ATXN7L1: variants seen among roughly 807,000 people sequenced by gnomAD.
ATXN7L1 encodes the protein ataxin-7-like protein 1.
In ATXN7L1, 15 loss-of-function variants were observed where a neutral mutation model predicts 70.8. The ratio of observed to expected loss-of-function variants is 0.21; its 90% CI spans 0.14 to 0.33. ATXN7L1 has a LOEUF of 0.33. Among genes scored for constraint, ATXN7L1 ranks in the 10% least tolerant of loss-of-function variants. The pLI is 1.00. For missense variants in ATXN7L1, 975 were observed against 1,097.1 expected, an observed-to-expected ratio of 0.89 and a Z score of 1.57; for synonymous variants, 440 against 445.1, an observed-to-expected ratio of 0.99 and a Z score of 0.14.
At chr7:105,670,004 G>A (rs1379896144) in intron 3 of ATXN7L1, among the ~76,000 whole-genome samples, 2 of 152,046 alleles carry the variant, frequency 1.3e-5, no homozygotes, top group Non-Finnish European at 2.9e-5. Flanking sequence ...GCTGTAGCTA[G>A]GCTTTTGAAA....
intron 3 of ATXN7L1, among the ~76,000 whole-genome samples, chr7:105,695,322 C>T (rs1186425853): frequency 1.3e-5 from 2 of 152,176 alleles, no homozygotes; most frequent in Non-Finnish European, 2.9e-5. Context: ...AAAAGCACAA[C>T]ATCGCCCTCA....
intron 3 of ATXN7L1, among the ~76,000 whole-genome samples, chr7:105,742,765 T>A (rs1276567633): frequency 1.3e-5 from 2 of 152,216 alleles, no homozygotes. Context: ...ATATTCATAC[T>A]TCCAGGGAAG....
rs1022718343 is a variant in ATXN7L1 at position 105,643,096 on chromosome 7, C to G, written c.604G>C (p.Glu202Gln). ...PCVPVPVVSL[E>Q]KIPNLVKADG... ...GCCTTCACTAGGTTAGGAATTTTCT[C>G]TAAACTGACTACAGGAACTGGAACA... The change falls in exon 5 of 12, where the codon GAG (glutamate) becomes CAG (glutamine). Residue 202 changes from glutamate to glutamine, a missense_variant. By Grantham distance (29) the Glu-to-Gln change is conservative. This residue lies in a region of ATXN7L1 where 192 missense variants were observed against 215.5 expected (regional missense o/e 0.89). Coordinates refer to ENST00000419735, the MANE Select transcript of ATXN7L1 (RefSeq NM_020725.2). The G allele has an allele frequency of 6.5e-7, 1 of 1,532,974 alleles. No homozygotes were observed. The highest frequency in any genetic ancestry group is 1.2e-5 in the South Asian group (1 of 81,824). The allele number at this position is 1,532,974 out of a possible 1,614,324, so 95.0% of individuals were successfully genotyped here. A position where few individuals can be genotyped will look rare whatever the true frequency, so the allele number is the denominator to read the frequency against.
At chr7:105,834,471 A>C (rs1163080335) in intron 2 of ATXN7L1, among the ~76,000 whole-genome samples, 3 of 152,214 alleles carry the variant, frequency 2.0e-5, no homozygotes, top group Non-Finnish European at 4.4e-5. Context: ...CACTTTTATC[A>C]ACAACAGAGT....
intron 3 of ATXN7L1, among the ~76,000 whole-genome samples, chr7:105,742,428 T>C (rs1189233671): frequency 6.6e-6 from 1 of 152,238 alleles, no homozygotes; most frequent in Non-Finnish European, 1.5e-5. Context: ...CTTTTGTACA[T>C]GAATCCACCC....
chr7:105,791,836 A>G (rs913297428), intron 2 of ATXN7L1, among the ~76,000 whole-genome samples: 2 of 152,202 alleles, frequency 1.3e-5, no homozygotes. Flanking sequence ...TCAAGCTATG[A>G]AGGAATATAA....
At chr7:105,656,054 G>C (rs1800584750) in intron 4 of ATXN7L1, among the ~76,000 whole-genome samples, 1 of 152,252 alleles carries the variant, frequency 6.6e-6, no homozygotes, top group Non-Finnish European at 1.5e-5. Flanking sequence ...CCATCCAGGG[G>C]AGGAAATCCT....
intron 3 of ATXN7L1, among the ~76,000 whole-genome samples, chr7:105,672,429 C>G (rs1803904281): frequency 6.6e-6 from 1 of 152,212 alleles, no homozygotes; most frequent in Admixed American, 6.5e-5. Flanking sequence ...TTCCCACATA[C>G]TTGCCATTTT....
intron 2 of ATXN7L1, among the ~76,000 whole-genome samples, chr7:105,809,337 T>A (rs1480372114): frequency 1.3e-5 from 2 of 152,222 alleles, no homozygotes; most frequent in African/African-American, 2.4e-5. Context: ...TTGTTAACCA[T>A]AAGCACACTG....
chr7:105,694,977 C>A (rs1030260191), intron 3 of ATXN7L1, among the ~76,000 whole-genome samples: 1 of 152,234 alleles, frequency 6.6e-6, no homozygotes, highest in Non-Finnish European at 1.5e-5. Flanking sequence ...CATGCTGAAA[C>A]CTGTCTCTCC....
chr7:105,640,550 T>C (rs1798028454), intron 5 of ATXN7L1, among the ~76,000 whole-genome samples: 1 of 152,254 alleles, frequency 6.6e-6, no homozygotes, highest in Non-Finnish European at 1.5e-5. Flanking sequence ...TTTTTATTTT[T>C]TGAGACAGGG....
intron 2 of ATXN7L1, among the ~76,000 whole-genome samples, chr7:105,813,172 G>A (rs1372906317): frequency 6.6e-6 from 1 of 152,056 alleles, no homozygotes; most frequent in Non-Finnish European, 1.5e-5. Flanking sequence ...ACAGACTTTT[G>A]CCAAATGCTT....
intron 2 of ATXN7L1, among the ~76,000 whole-genome samples, chr7:105,874,403 T>A (rs2116686653): frequency 6.6e-6 from 1 of 152,264 alleles, no homozygotes; most frequent in Non-Finnish European, 1.5e-5. Flanking sequence ...TCTCAAGAGT[T>A]TGTGTGTGAA....
At position 105,620,327 on chromosome 7, in the gene ATXN7L1, AG is replaced by A. The variant is rs1195426537; in HGVS notation, c.1396-7del. 1 of 1,540,310 alleles carries A rather than the reference AG, an allele frequency of 6.5e-7. No homozygotes were observed. The highest frequency in any genetic ancestry group is 8.7e-7 in the Non-Finnish European group (1 of 1,143,592). ...CGACTCCCAAATGAGCAAAACTGTG[AG>A]GAAAAAAAAATTTTAATTTTGATTA... On this transcript the variant is annotated splice_region_variant and splice_polypyrimidine_tract_variant and intron_variant, in intron 8 of 11. Coordinates refer to ENST00000419735, the MANE Select transcript of ATXN7L1 (RefSeq NM_020725.2).
chr7:105,744,851 C>T (rs1373050350), intron 3 of ATXN7L1, among the ~76,000 whole-genome samples: 2 of 151,280 alleles, frequency 1.3e-5, no homozygotes, highest in African/African-American at 2.4e-5. Context: ...GATTCTCCTG[C>T]CTCAGCCTCC....
chr7:105,850,510 T>C lies in ATXN7L1; in HGVS notation c.250+25302A>G, dbSNP rs1343149163. On this transcript the variant is annotated intron_variant, in intron 2 of 11. Transcript: ENST00000419735. ...TTTGCCAACAACCCTATGAGCTACC[T>C]GTGATATCCCATTAAGCAGATGGGA... is the stretch of plus-strand genomic sequence containing the variant. Among the ~76,000 whole-genome samples the C allele has an allele frequency of 3.3e-5, 5 of 152,250 alleles. No homozygotes were observed. The East Asian group carries it at 9.6e-4, about 29-fold the overall frequency.
intron 3 of ATXN7L1, among the ~76,000 whole-genome samples, chr7:105,769,723 A>T (rs1421487686): frequency 6.6e-6 from 1 of 152,190 alleles, no homozygotes; most frequent in African/African-American, 2.4e-5. Flanking sequence ...GACTGGTAGA[A>T]GGCATAAGTG....
intron 3 of ATXN7L1, among the ~76,000 whole-genome samples, chr7:105,668,582 T>C (rs1282132429): frequency 6.6e-6 from 1 of 152,066 alleles, no homozygotes; most frequent in Non-Finnish European, 1.5e-5. Context: ...CCATCACGCC[T>C]GGATAATTTT....
intron 4 of ATXN7L1, among the ~76,000 whole-genome samples, chr7:105,656,092 C>T (rs1800591378): frequency 6.6e-6 from 1 of 152,244 alleles, no homozygotes; most frequent in Admixed American, 6.5e-5. Context: ...GCCTCCTGCC[C>T]ACCTCAGCCT....
Sources: gnomAD v4.1 joint callset for allele counts (sites outside exome capture counted in the v4.1 genomes callset) on GRCh38, gnomAD v4.1.1 for gene constraint, gnomAD v4.1.1 regional missense constraint, MANE v1.5 for transcripts, NCBI Gene and HGNC (gene_info 2026-07-23, HGNC 2026-07-21) for gene names.